The following RCAN2 variants were observed in gnomAD, a reference collection of about 807,000 sequenced individuals.
RCAN2 encodes the protein regulator of calcineurin 2.
RCAN2 carries 9 observed loss-of-function variants against 23.6 expected under a neutral mutation model. The ratio of observed to expected loss-of-function variants is 0.38; its 90% CI spans 0.23 to 0.67. The LOEUF is 0.67. Ranked by LOEUF, RCAN2 falls within the 30% of genes least tolerant of loss-of-function variation. The probability of loss-of-function intolerance (pLI) is 0.51; values close to 1 mark genes in which losing one functional copy is unlikely to be tolerated. For missense variants in RCAN2, 273 were observed against 302.3 expected (o/e 0.90, Z 0.72); for synonymous variants, 109 against 115.7 (o/e 0.94, Z 0.37).
At chr6:46,254,691 G>A (rs1301139177) in intron 2 of RCAN2, among the ~76,000 whole-genome samples, 1 of 152,084 alleles carries the variant, frequency 6.6e-6, no homozygotes, top group African/African-American at 2.4e-5. Flanking sequence ...AGAAGAGATA[G>A]TAAGGATATG....
At chr6:46,435,454 A>G (rs1051797882) in intron 2 of RCAN2, among the ~76,000 whole-genome samples, 1 of 152,234 alleles carries the variant, frequency 6.6e-6, no homozygotes, top group African/African-American at 2.4e-5. Context: ...TATATTTTAA[A>G]AACCATATTC....
rs74565233 is a variant in RCAN2, at chr6:46,242,526, A to G, written c.571+4222T>C. ...CCTTCTCAATCACTCTGCTCTACCAATTAAACACTGTTCATCATTCCTCTA... is the reference window on the plus strand; with the variant it reads ...CCTTCTCAATCACTCTGCTCTACCAGTTAAACACTGTTCATCATTCCTCTA... On this transcript the variant is annotated intron_variant, in intron 4 of 4. Transcript: ENST00000371374. 2.5e-3 allele frequency among the ~76,000 whole-genome samples: 378 copies of G among 152,272 alleles called. 1 individual carries two copies. Among genetic ancestry groups the G allele is most frequent in the Non-Finnish European group, 3.8e-3 (257 of 68,018 alleles).
At chr6:46,386,369 C>A (rs12110432) in intron 2 of RCAN2, among the ~76,000 whole-genome samples, 6 of 151,530 alleles carry the variant, frequency 4.0e-5, no homozygotes, top group African/African-American at 1.5e-4. Context: ...GAGGCCAAGG[C>A]GAGTGAATCA....
intron 2 of RCAN2, among the ~76,000 whole-genome samples, chr6:46,332,741 C>T (rs1764019599): frequency 6.6e-6 from 1 of 152,000 alleles, no homozygotes; most frequent in Admixed American, 6.6e-5. Flanking sequence ...CAAGTCTTTG[C>T]TATTGTGAAT....
chr6:46,472,875 C>T (rs1034372640), intron 1 of RCAN2, among the ~76,000 whole-genome samples: 2 of 152,172 alleles, frequency 1.3e-5, no homozygotes, highest in Admixed American at 6.5e-5. Context: ...AACACTGGAA[C>T]TTTTTCTGAA....
chr6:46,388,297 AAAC>A (rs1765827884), intron 2 of RCAN2, among the ~76,000 whole-genome samples: 1 of 152,014 alleles, frequency 6.6e-6, no homozygotes, highest in Non-Finnish European at 1.5e-5. Context: ...TAAAAAAAAG[AAAC>A]AACAGATGTC....
chr6:46,387,374 A>G (rs992109616), intron 2 of RCAN2, among the ~76,000 whole-genome samples: 3 of 152,236 alleles, frequency 2.0e-5, no homozygotes, highest in African/African-American at 7.2e-5. Flanking sequence ...GCTAATATCC[A>G]GAATCTACAA....
chr6:46,378,748 A>G (rs1765546790), intron 2 of RCAN2, among the ~76,000 whole-genome samples: 1 of 152,186 alleles, frequency 6.6e-6, no homozygotes, highest in Non-Finnish European at 1.5e-5. Flanking sequence ...CAGATACTCT[A>G]GAGTATCTGT....
intron 2 of RCAN2, among the ~76,000 whole-genome samples, chr6:46,331,760 T>G (rs1386699185): frequency 6.6e-6 from 1 of 152,162 alleles, no homozygotes; most frequent in African/African-American, 2.4e-5. Flanking sequence ...AGCTAGAAAA[T>G]ATGTAAATAT....
At chr6:46,397,970 A>T (rs896490709) in intron 2 of RCAN2, among the ~76,000 whole-genome samples, 9 of 152,222 alleles carry the variant, frequency 5.9e-5, no homozygotes, top group Non-Finnish European at 1.3e-4. Flanking sequence ...CACTCAGCAT[A>T]GTTTCTCATG....
At chr6:46,259,215 A>C (rs1263013788) in intron 2 of RCAN2, among the ~76,000 whole-genome samples, 1 of 152,100 alleles carries the variant, frequency 6.6e-6, no homozygotes, top group Non-Finnish European at 1.5e-5. Flanking sequence ...AACACAAAAA[A>C]AGCAACTAAA....
At chr6:46,263,561 A>ATGTGTGTGTGTG (rs1561834156) in intron 2 of RCAN2, among the ~76,000 whole-genome samples, 1 of 56,150 alleles carries the variant, frequency 1.8e-5, no homozygotes, top group African/African-American at 4.0e-5. Context: ...GTGTGTGTGT[A>ATGTGTGTGTGTG]TGTGTGTGTG....
At chr6:46,295,340 G>C (rs1236270841) in intron 2 of RCAN2, among the ~76,000 whole-genome samples, 3 of 152,152 alleles carry the variant, frequency 2.0e-5, no homozygotes, top group Non-Finnish European at 4.4e-5. Context: ...TTTGGTAGGA[G>C]AGACATAGAG....
intron 2 of RCAN2, among the ~76,000 whole-genome samples, chr6:46,454,320 G>A (rs959392367): frequency 1.3e-5 from 2 of 152,154 alleles, no homozygotes; most frequent in African/African-American, 4.8e-5. Flanking sequence ...GAATTTCTGG[G>A]TCTGGAAGAG....
intron 2 of RCAN2, among the ~76,000 whole-genome samples, chr6:46,344,970 A>G (rs1161493993): frequency 6.6e-6 from 1 of 152,044 alleles, no homozygotes; most frequent in Non-Finnish European, 1.5e-5. Flanking sequence ...CTTTATGTAT[A>G]TGCAAAACTA....
intron 2 of RCAN2, among the ~76,000 whole-genome samples, chr6:46,326,682 A>G (rs1180922857): frequency 1.3e-5 from 2 of 152,260 alleles, no homozygotes; most frequent in African/African-American, 4.8e-5. Flanking sequence ...ACATTGTAGC[A>G]GTATCTATCC....
intron 2 of RCAN2, among the ~76,000 whole-genome samples, chr6:46,396,310 AG>A (rs1413901315): frequency 6.6e-6 from 1 of 152,164 alleles, no homozygotes; most frequent in African/African-American, 2.4e-5. Context: ...CTTCTGTCCT[AG>A]GGTTTGTTTG....
intron 2 of RCAN2, among the ~76,000 whole-genome samples, chr6:46,302,401 C>T (rs1401798194): frequency 1.3e-5 from 2 of 151,988 alleles, no homozygotes; most frequent in African/African-American, 4.8e-5. Context: ...TAGTGATGTC[C>T]AAGAGAGGAT....
intron 2 of RCAN2, among the ~76,000 whole-genome samples, chr6:46,381,820 A>G (rs1469708325): frequency 6.6e-6 from 1 of 152,132 alleles, no homozygotes; most frequent in Admixed American, 6.6e-5. Context: ...ATTTTAAAAA[A>G]TCTTATCTGG....
Sources: gnomAD v4.1 joint callset for allele counts (sites outside exome capture counted in the v4.1 genomes callset) on GRCh38, gnomAD v4.1.1 for gene constraint, MANE v1.5 for transcripts, NCBI Gene and HGNC (gene_info 2026-07-23, HGNC 2026-07-21) for gene names.